The following CORO2B variants were observed in gnomAD, a reference collection of about 807,000 sequenced individuals.
CORO2B encodes coronin-2B.
Under a neutral mutation model 58.8 loss-of-function variants are expected in CORO2B, and 26 were observed. The observed-to-expected ratio is 0.44, with a 90% CI of 0.32 to 0.61. CORO2B has a LOEUF of 0.61. Among genes scored for constraint, CORO2B ranks in the 20% least tolerant of loss-of-function variants. CORO2B has a pLI of 0.04. For missense variants in CORO2B, 460 were observed against 645.1 expected, an observed-to-expected ratio of 0.71 and a Z score of 3.11; for synonymous variants, 242 against 253.8, an observed-to-expected ratio of 0.95 and a Z score of 0.44.
At chr15:68,562,640 A>G in the CORO2B span, among the ~76,000 whole-genome samples, 526 of 152,348 alleles carry the variant, frequency 3.5e-3, 6 homozygotes, top group African/African-American at 0.012. Context: ...GGATCACAGA[A>G]AAATCACAAG....
At chr15:68,692,574 G>GT (rs1892405842) in intron 2 of CORO2B, among the ~76,000 whole-genome samples, 1 of 148,810 alleles carries the variant, frequency 6.7e-6, no homozygotes, top group African/African-American at 2.5e-5. Context: ...GACAGAGTGA[G>GT]ACTCTGTCTC....
chr15:68,697,122 G>GTGGA (rs200414220), intron 3 of CORO2B, among the ~76,000 whole-genome samples: 8 of 151,786 alleles, frequency 5.3e-5, no homozygotes, highest in East Asian at 1.9e-4. Flanking sequence ...TGGATGGATT[G>GTGGA]TGGATGGATG....
chr15:68,523,808 G>C, the CORO2B span, among the ~76,000 whole-genome samples: 267 of 152,254 alleles, frequency 1.8e-3, 2 homozygotes, highest in African/African-American at 6.1e-3. Flanking sequence ...TATCCCAAGG[G>C]GAAAAGTGAT....
At position 68,645,260 on chromosome 15, in the gene CORO2B, A is replaced by G. The variant is rs1320090184; in HGVS notation, c.116A>G (p.Asn39Ser). The G allele has an allele frequency of 6.2e-7, 1 of 1,614,038 alleles. No homozygotes were observed. Among genetic ancestry groups the G allele is most frequent in the Admixed American group, 1.7e-5 (1 of 60,020 alleles). Reference sequence around the variant, plus strand: ...TTCGATGGGATCCCCATCACCAAGAATGTGCACGACAACCACTTCTGTGCC... The same window carrying G: ...TTCGATGGGATCCCCATCACCAAGAGTGTGCACGACAACCACTTCTGTGCC... ...HCFDGIPITK[N>S]VHDNHFCAVN... Residue 39 changes from asparagine (N) to serine (S), a missense_variant, in exon 2 of 12, where the codon AAT (asparagine) becomes AGT (serine). By Grantham distance (46) the Asn-to-Ser change is conservative. Coordinates refer to ENST00000261861, the MANE Select transcript of CORO2B (RefSeq NM_006091.5). This position sits in a 1 kb window ranked among gnomAD's most constrained non-coding sequence, Gnocchi z 4.5.
the CORO2B span, among the ~76,000 whole-genome samples, chr15:68,567,260 G>T: frequency 6.6e-6 from 1 of 152,124 alleles, no homozygotes; most frequent in Non-Finnish European, 1.5e-5. Context: ...CACATAAATT[G>T]TATTAGTTTT....
chr15:68,715,109 C>A, intron 7 of CORO2B, 106 bp from the exon 8 acceptor site: 2 of 1,006,196 alleles, frequency 2.0e-6, no homozygotes, highest in Non-Finnish European at 3.1e-6. Flanking sequence ...TTTTTAACTG[C>A]CCATGAGGCA....
chr15:68,578,923 T>G, upstream of CORO2B: 9 of 628,736 alleles, frequency 1.4e-5, no homozygotes, highest in African/African-American at 2.0e-5. This position sits in a 1 kb window ranked among gnomAD's most constrained non-coding sequence, Gnocchi z 4.2. Context: ...CGCCTCCTCC[T>G]TTGTAGCGAG....
intron 1 of CORO2B, chr15:68,631,948 C>G (rs373220035): frequency 1.0e-6 from 1 of 985,376 alleles, no homozygotes; most frequent in Non-Finnish European, 1.2e-6. Flanking sequence ...CATGCCATCC[C>G]TCAGCATCGC....
At chr15:68,663,511 T>G (rs1025663230) in intron 2 of CORO2B, among the ~76,000 whole-genome samples, 4 of 152,184 alleles carry the variant, frequency 2.6e-5, no homozygotes, top group African/African-American at 9.7e-5. Context: ...AATTTCCTCC[T>G]GACATTGTAG....
intron 3 of CORO2B, among the ~76,000 whole-genome samples, chr15:68,704,855 C>G (rs1163104244): frequency 6.6e-6 from 1 of 152,174 alleles, no homozygotes; most frequent in Non-Finnish European, 1.5e-5. Flanking sequence ...TCTCCCCACC[C>G]TTTCCTTCCA....
the CORO2B span, among the ~76,000 whole-genome samples, chr15:68,535,136 CT>C: frequency 5.9e-5 from 9 of 152,318 alleles, no homozygotes; most frequent in South Asian, 1.9e-3. Flanking sequence ...GGCACCTCAC[CT>C]TTTGCCCACC....
At chr15:68,567,384 G>A in the CORO2B span, among the ~76,000 whole-genome samples, 1 of 152,216 alleles carries the variant, frequency 6.6e-6, no homozygotes, top group Admixed American at 6.5e-5. Flanking sequence ...AGGACAAAGG[G>A]GGTCTGACTA....
chr15:68,596,168 C>T (rs960794103), intron 1 of CORO2B, among the ~76,000 whole-genome samples: 5 of 152,024 alleles, frequency 3.3e-5, no homozygotes, highest in African/African-American at 1.2e-4. Context: ...CATTAGATTC[C>T]ACAACAATAA....
the CORO2B span, among the ~76,000 whole-genome samples, chr15:68,555,873 A>C: frequency 6.6e-6 from 1 of 152,186 alleles, no homozygotes; most frequent in South Asian, 2.1e-4. Context: ...CCAAACTTCA[A>C]GATGAGCAGG....
chr15:68,556,381 C>A, the CORO2B span, among the ~76,000 whole-genome samples: 7 of 152,192 alleles, frequency 4.6e-5, no homozygotes, highest in Non-Finnish European at 1.0e-4. Flanking sequence ...ATTCTCAAGC[C>A]AGGCACAGGT....
At chr15:68,518,922 C>A in the CORO2B span, among the ~76,000 whole-genome samples, 1 of 152,202 alleles carries the variant, frequency 6.6e-6, no homozygotes, top group Non-Finnish European at 1.5e-5. Context: ...TGAGGAGGAG[C>A]CTGGACCGGG....
chr15:68,616,314 G>T (rs1015380158), intron 1 of CORO2B, among the ~76,000 whole-genome samples: 3 of 152,226 alleles, frequency 2.0e-5, no homozygotes, highest in African/African-American at 7.2e-5. Context: ...GGCAGGAAAT[G>T]TATAGCTTTA....
At chr15:68,679,248 G>T (rs1238955279) in intron 2 of CORO2B, among the ~76,000 whole-genome samples, 1 of 152,230 alleles carries the variant, frequency 6.6e-6, no homozygotes, top group African/African-American at 2.4e-5. Context: ...GTCTGTGTTT[G>T]GTGAGCTGGG....
chr15:68,550,271 T>C, the CORO2B span, among the ~76,000 whole-genome samples: 1 of 152,198 alleles, frequency 6.6e-6, no homozygotes, highest in African/African-American at 2.4e-5. Context: ...CCCCGGGATG[T>C]AATGCCCCAG....
Sources: gnomAD v4.1 joint callset for allele counts (sites outside exome capture counted in the v4.1 genomes callset) on GRCh38, gnomAD v4.1.1 for gene constraint, Gnocchi (gnomAD v3.1) non-coding constraint, MANE v1.5 for transcripts, NCBI Gene and HGNC (gene_info 2026-07-23, HGNC 2026-07-21) for gene names.